Variants in GLT6D1 observed in about 807,000 individuals in gnomAD.
The protein encoded by GLT6D1 is glycosyltransferase 6 domain containing 1, also known as putative glycosyltransferase 6 domain-containing protein 1.
GLT6D1 carries 9 observed loss-of-function variants against 12.3 expected under a neutral mutation model. The ratio of observed to expected loss-of-function variants is 0.73; its 90% CI spans 0.44 to 1.27. The LOEUF (loss-of-function observed/expected upper bound fraction) is 1.27. GLT6D1 is among the 50% of genes most tolerant of loss of function. The probability of loss-of-function intolerance (pLI) is 0.00; values close to 1 mark genes in which losing one functional copy is unlikely to be tolerated. For missense variants in GLT6D1, 335 were observed against 346.2 expected (o/e 0.97, Z 0.26); for synonymous variants, 128 against 132.3 (o/e 0.97, Z 0.23).
intron 4 of GLT6D1, among the ~76,000 whole-genome samples, chr9:135,624,903 T>A (rs1427206654): frequency 6.7e-6 from 1 of 149,442 alleles, no homozygotes; most frequent in Non-Finnish European, 1.5e-5. Flanking sequence ...GTAATTTTTT[T>A]TTTTTTTTTT....
chr9:135,631,580 A>G, intron 2 of GLT6D1, 102 bp from the exon 3 acceptor site: 1 of 864,834 alleles, frequency 1.2e-6, no homozygotes, highest in South Asian at 1.3e-5. Flanking sequence ...ACATGCATCA[A>G]CCCAAATCAG....
chr9:135,627,384 C>A (rs1833547285), intron 3 of GLT6D1, among the ~76,000 whole-genome samples: 2 of 152,180 alleles, frequency 1.3e-5, no homozygotes, highest in Admixed American at 1.3e-4. Context: ...TTTACAGTTT[C>A]TCCAAAGAAA....
At chr9:135,631,505 T>C in intron 2 of GLT6D1, 27 bp from the exon 3 acceptor site, 1 of 1,554,264 alleles carries the variant, frequency 6.4e-7, no homozygotes, top group African/African-American at 1.4e-5. Context: ...AATCAAGTGA[T>C]TGCAAGGAGC....
chr9:135,624,724 CTTTTTTTTTTTT>C lies in GLT6D1; in HGVS notation c.258-66_258-55del, dbSNP rs72471205. 704 of 563,962 alleles carry C rather than the reference CTTTTTTTTTTTT, an allele frequency of 1.2e-3. 1 individual carries two copies. The highest frequency in any genetic ancestry group is 1.3e-3 in the Non-Finnish European group (536 of 407,572). The allele number at this position is 563,962 out of a possible 1,614,324, so 34.9% of individuals were successfully genotyped here. A position where few individuals can be genotyped will look rare whatever the true frequency, so the allele number is the denominator to read the frequency against. On this transcript the variant is annotated intron_variant, in intron 4 of 4. Transcript: ENST00000371763. ...TACTTTTCTCTTTTTTCTTTTCTTTCTTTTTTTTTTTTTTTTTTTTTTTGAGATGGAGTCTCC... is the reference window on the plus strand; with the variant it reads ...TACTTTTCTCTTTTTTCTTTTCTTTCTTTTTTTTTTTGAGATGGAGTCTCC...
intron 2 of GLT6D1, among the ~76,000 whole-genome samples, chr9:135,637,666 C>T (rs377428595): frequency 9.2e-5 from 14 of 152,194 alleles, no homozygotes; most frequent in South Asian, 4.1e-4. Context: ...TCTTGGCGTT[C>T]GCTTATTTCC....
chr9:135,623,994 G>T lies in GLT6D1; in HGVS notation c.*103C>A. Reference sequence around the variant, plus strand: ...TCATTTATTCGTCATAAACCTCATGGCGTAATTCATAATTTCCTCTGGGAA... The same window carrying T: ...TCATTTATTCGTCATAAACCTCATGTCGTAATTCATAATTTCCTCTGGGAA... On this transcript the variant is annotated 3_prime_UTR_variant, in exon 5 of 5. Transcript: ENST00000371763. 1 of 741,514 alleles carries T rather than the reference G, an allele frequency of 1.3e-6. No homozygotes were observed. The highest frequency in any genetic ancestry group is 2.3e-6 in the Non-Finnish European group (1 of 438,076). 45.9% of individuals were successfully genotyped at this position (741,514 alleles called of 1,614,324 possible).
chr9:135,634,456 TTTTTTTTTG>T (rs1474423412), intron 2 of GLT6D1, among the ~76,000 whole-genome samples: 4 of 144,034 alleles, frequency 2.8e-5, no homozygotes, highest in Admixed American at 7.0e-5. Context: ...TTTTTTTTTT[TTTTTTTTTG>T]GCATGATTTA....
chr9:135,638,915 C>T (rs1207794107), intron 2 of GLT6D1, among the ~76,000 whole-genome samples: 2 of 151,918 alleles, frequency 1.3e-5, no homozygotes, highest in East Asian at 3.9e-4. Context: ...GCCTGTAGTC[C>T]CAGCTACTCA....
At chr9:135,635,794 G>C (rs1037015884) in intron 2 of GLT6D1, among the ~76,000 whole-genome samples, 1 of 152,182 alleles carries the variant, frequency 6.6e-6, no homozygotes, top group Non-Finnish European at 1.5e-5. Context: ...TTCATAGTAA[G>C]GTAAACGTGA....
chr9:135,635,676 A>G (rs1833758464), intron 2 of GLT6D1, among the ~76,000 whole-genome samples: 2 of 152,236 alleles, frequency 1.3e-5, no homozygotes, highest in Non-Finnish European at 2.9e-5. Flanking sequence ...CATTGCTTCC[A>G]GGGTGTCCTT....
chr9:135,640,497 G>T (rs189618812), upstream of GLT6D1, among the ~76,000 whole-genome samples: 113 of 151,974 alleles, frequency 7.4e-4, 1 homozygote, highest in Non-Finnish European at 1.4e-3. Context: ...GAAGGGGGAG[G>T]ATCACGAGGT....
chr9:135,637,083 C>T (rs1423801104), intron 2 of GLT6D1, among the ~76,000 whole-genome samples: 1 of 151,894 alleles, frequency 6.6e-6, no homozygotes, highest in Non-Finnish European at 1.5e-5. Context: ...AACTCCCGGC[C>T]TCAGGTGATC....
chr9:135,629,746 G>T (rs1335383481), intron 3 of GLT6D1, among the ~76,000 whole-genome samples: 1 of 152,082 alleles, frequency 6.6e-6, no homozygotes, highest in Non-Finnish European at 1.5e-5. Flanking sequence ...GTCAGTTTTT[G>T]CTTCATATGT....
At chr9:135,630,579 G>A (rs1930746) in intron 3 of GLT6D1, among the ~76,000 whole-genome samples, 70,663 of 151,280 alleles carry the variant, frequency 0.47, 16,683 homozygotes, top group Middle Eastern at 0.57. Context: ...AATTAGCCAG[G>A]TGTGCTGGCA....
intron 2 of GLT6D1, among the ~76,000 whole-genome samples, chr9:135,634,808 T>C (rs1387402754): frequency 6.6e-6 from 1 of 152,008 alleles, no homozygotes; most frequent in Non-Finnish European, 1.5e-5. Flanking sequence ...GCCTCCTGTC[T>C]GCACAGGATC....
chr9:135,629,895 T>C (rs1833599502), intron 3 of GLT6D1, among the ~76,000 whole-genome samples: 1 of 152,226 alleles, frequency 6.6e-6, no homozygotes, highest in African/African-American at 2.4e-5. Flanking sequence ...CTGATATTTG[T>C]ATAGAGCCAC....
In GLT6D1 at chr9:135,624,287, G is replaced by A. The variant is rs935969227; in HGVS notation, c.641C>T (p.Ser214Leu). 6 of 1,604,312 alleles carry A rather than the reference G, an allele frequency of 3.7e-6. No individual in the cohort carries two copies. In the East Asian group the frequency reaches 6.7e-5, roughly 18 times the overall value. Reference sequence around the variant, plus strand: ...CTGTCCAAACGGGATGCAAGCTGCTGAGGTCGGCCTCCTCTCATAAGGGAA... The same window carrying A: ...CTGTCCAAACGGGATGCAAGCTGCTAAGGTCGGCCTCCTCTCATAAGGGAA... ...KNFPYERRPT[S>L]AACIPFGQGD... Residue 214 changes from serine to leucine, a missense_variant, in exon 5 of 5, where the codon TCA becomes TTA. Physicochemically the swap from Ser to Leu is moderately radical, Grantham distance 145. Transcript: ENST00000371763.
At chr9:135,631,783 C>T (rs374981353) in intron 2 of GLT6D1, among the ~76,000 whole-genome samples, 1 of 152,078 alleles carries the variant, frequency 6.6e-6, no homozygotes, top group African/African-American at 2.4e-5. Flanking sequence ...TATATTCAGA[C>T]AAAAACATAG....
At position 135,639,140 on chromosome 9, in the gene GLT6D1, C is replaced by A. The variant is rs754131241; in HGVS notation, c.48G>T (p.Leu16=). 1.3e-6 allele frequency: 2 copies of A among 1,585,426 alleles called. No individual in the cohort carries two copies. Among genetic ancestry groups the A allele is most frequent in the Non-Finnish European group, 1.7e-6 (2 of 1,154,852 alleles). Residue 16 remains leucine (L), a synonymous_variant, in exon 2 of 5, where the codon CTG becomes CTT. Coordinates refer to ENST00000371763, the MANE Select transcript of GLT6D1 (RefSeq NM_182974.3). ...MLLLVLFAFS[L]MLVERYFRNH... ...ACCTGAAATAACGCTCAACCAACATCAGTGAAAAAGCAAATAAAACCAATA... is the reference window on the plus strand; with the variant it reads ...ACCTGAAATAACGCTCAACCAACATAAGTGAAAAAGCAAATAAAACCAATA...
Sources: gnomAD v4.1 joint callset for allele counts (sites outside exome capture counted in the v4.1 genomes callset) on GRCh38, gnomAD v4.1.1 for gene constraint, MANE v1.5 for transcripts, NCBI Gene and HGNC (gene_info 2026-07-23, HGNC 2026-07-21) for gene names.